The following FOXN3 variants were observed in gnomAD, a reference collection of about 807,000 sequenced individuals.
FOXN3 encodes forkhead box protein N3.
In FOXN3, 7 loss-of-function variants were observed where a neutral mutation model predicts 38.4. The ratio of observed to expected loss-of-function variants is 0.18; its 90% CI spans 0.10 to 0.34. The LOEUF (loss-of-function observed/expected upper bound fraction) is 0.34. Ranked by LOEUF, FOXN3 falls within the 10% of genes least tolerant of loss-of-function variation. The pLI, the probability that FOXN3 is intolerant of heterozygous loss-of-function variation, is 1.00. For missense variants in FOXN3, 456 were observed against 613.4 expected (o/e 0.74, Z 2.71); for synonymous variants, 230 against 242.2 (o/e 0.95, Z 0.47).
intron 2 of FOXN3, among the ~76,000 whole-genome samples, 158 bp downstream of exon 2, chr14:89,411,776 A>C (rs576243177): frequency 6.6e-6 from 1 of 152,320 alleles, no homozygotes; most frequent in East Asian, 1.9e-4. Context: ...GGCTTAGGGA[A>C]AGGAAATTCT....
At chr14:89,424,554 TC>T (rs1235331379) in intron 1 of FOXN3, among the ~76,000 whole-genome samples, 4 of 152,110 alleles carry the variant, frequency 2.6e-5, no homozygotes, top group Admixed American at 6.5e-5. Context: ...GTTCCAAGAT[TC>T]AAGAGTTCAA....
intron 1 of FOXN3, among the ~76,000 whole-genome samples, chr14:89,568,628 G>A (rs8004664): frequency 0.44 from 67,283 of 152,042 alleles, 17,614 homozygotes; most frequent in Non-Finnish European, 0.6. Flanking sequence ...ATCACAATTT[G>A]CAATTGTTCC....
At chr14:89,397,824 T>C (rs1274072877) in intron 2 of FOXN3, among the ~76,000 whole-genome samples, 3 of 152,166 alleles carry the variant, frequency 2.0e-5, no homozygotes, top group Non-Finnish European at 1.5e-5. Context: ...CTGCTTATAG[T>C]TGTTAAAAAG....
intron 2 of FOXN3, among the ~76,000 whole-genome samples, chr14:89,372,100 T>C (rs148964401): frequency 1.3e-3 from 193 of 152,262 alleles, no homozygotes; most frequent in African/African-American, 4.4e-3. Context: ...AAAAACGGAA[T>C]TGATTATCCC....
At chr14:89,421,830 C>T (rs547899775), upstream of FOXN3, among the ~76,000 whole-genome samples, 16 of 150,048 alleles carry the variant, frequency 1.1e-4, no homozygotes, top group Admixed American at 4.0e-4. Context: ...TGCTGGGCCC[C>T]GCTATTTTTC....
At chr14:89,322,065 G>A (rs1345270816) in intron 3 of FOXN3, among the ~76,000 whole-genome samples, 5 of 152,192 alleles carry the variant, frequency 3.3e-5, no homozygotes, top group African/African-American at 1.2e-4. Context: ...TCTGAGGTCC[G>A]TGGGTGCCAG....
intron 3 of FOXN3, among the ~76,000 whole-genome samples, chr14:89,334,000 AT>A (rs1888355754): frequency 1.7e-5 from 1 of 58,642 alleles, no homozygotes; most frequent in African/African-American, 5.7e-5. Flanking sequence ...ATATATATAT[AT>A]ATATATATGT....
chr14:89,426,263 C>T (rs1276866616), intron 1 of FOXN3, among the ~76,000 whole-genome samples: 2 of 116,328 alleles, frequency 1.7e-5, no homozygotes. Flanking sequence ...TTGCTCTTGT[C>T]ACCCAGGGTG....
chr14:89,417,337 C>T (rs1891773097), upstream of FOXN3: 1 of 147,646 alleles, frequency 6.8e-6, no homozygotes. Flanking sequence ...GGCCTGGCCG[C>T]CAGCGGCCTG....
intron 3 of FOXN3, among the ~76,000 whole-genome samples, chr14:89,321,316 C>T (rs1887889248): frequency 6.6e-6 from 1 of 151,060 alleles, no homozygotes; most frequent in Admixed American, 6.6e-5. Context: ...AAATTAAGGG[C>T]TGGGTAATCC....
chr14:89,225,714 C>T (rs1884616594), intron 4 of FOXN3, among the ~76,000 whole-genome samples: 1 of 152,230 alleles, frequency 6.6e-6, no homozygotes. Context: ...GCATCATCCG[C>T]TGACCTGAGT....
chr14:89,258,853 C>T (rs963454280), intron 4 of FOXN3, among the ~76,000 whole-genome samples: 21 of 152,216 alleles, frequency 1.4e-4, no homozygotes, highest in African/African-American at 5.1e-4. Flanking sequence ...CTATCAGGCT[C>T]ATTCGTCCAC....
intron 4 of FOXN3, among the ~76,000 whole-genome samples, chr14:89,196,119 T>C (rs1305152870): frequency 1.3e-5 from 2 of 152,206 alleles, no homozygotes; most frequent in Admixed American, 6.5e-5. Context: ...CATTGCCTCT[T>C]CTCTGTAGTA....
chr14:89,459,902 T>C (rs1892805125), intron 1 of FOXN3, among the ~76,000 whole-genome samples: 1 of 151,914 alleles, frequency 6.6e-6, no homozygotes, highest in South Asian at 2.1e-4. Flanking sequence ...CATATGTGCG[T>C]GGGATGATAA....
At chr14:89,298,920 G>A (rs17125626) in intron 3 of FOXN3, among the ~76,000 whole-genome samples, 9,478 of 151,684 alleles carry the variant, frequency 0.062, 416 homozygotes, top group Non-Finnish European at 0.081. Flanking sequence ...TACACTGACA[G>A]TCTCTTCTAT....
At chr14:89,351,175 A>G (rs567641259) in intron 2 of FOXN3, 19 of 151,570 alleles carry the variant, frequency 1.3e-4, no homozygotes, top group African/African-American at 2.0e-4. Context: ...AAGTTTGGGG[A>G]AAAAAAAAAG....
chr14:89,463,990 G>T (rs1433323736), intron 1 of FOXN3, among the ~76,000 whole-genome samples: 1 of 152,092 alleles, frequency 6.6e-6, no homozygotes, highest in African/African-American at 2.4e-5. Flanking sequence ...CACCATGTTG[G>T]CCAGGCTGGT....
chr14:89,419,137 T>C, upstream of FOXN3: 1 of 456,114 alleles, frequency 2.2e-6, no homozygotes, highest in Non-Finnish European at 4.4e-6. Context: ...AACATATTTC[T>C]TAATTTCTCT....
At chr14:89,273,913 G>A (rs952140624) in intron 4 of FOXN3, among the ~76,000 whole-genome samples, 5 of 152,232 alleles carry the variant, frequency 3.3e-5, no homozygotes, top group Admixed American at 3.3e-4. Context: ...TAGGTGTTGG[G>A]GGGAATGGAG....
Sources: gnomAD v4.1 joint callset for allele counts (sites outside exome capture counted in the v4.1 genomes callset) on GRCh38, gnomAD v4.1.1 for gene constraint, MANE v1.5 for transcripts, NCBI Gene and HGNC (gene_info 2026-07-23, HGNC 2026-07-21) for gene names.